RIOK3: variants seen among roughly 807,000 people sequenced by gnomAD.
RIOK3 encodes RIO kinase 3.
A neutral mutation model predicts 63.5 loss-of-function variants in RIOK3; 40 were observed. The ratio of observed to expected loss-of-function variants is 0.63; its 90% confidence interval spans 0.49 to 0.82. The LOEUF (loss-of-function observed/expected upper bound fraction) is 0.82. RIOK3 is among the 40% of genes least tolerant of loss of function. The pLI is 0.00. For synonymous variants in RIOK3, 193 were observed against 205.0 expected (o/e 0.94, Z 0.50); for missense variants, 557 against 637.0 (o/e 0.87, Z 1.35).
At chr18:23,469,217 C>T (rs1568384199) in intron 7 of RIOK3, among the ~76,000 whole-genome samples, 2 of 151,986 alleles carry the variant, frequency 1.3e-5, no homozygotes, top group Non-Finnish European at 2.9e-5. Context: ...CACACATGCT[C>T]AAGGGAAGGA....
chr18:23,464,108 C>A lies in RIOK3; in HGVS notation c.321C>A (p.Ser107Arg). ...RREEKKFNGD[S>R]KVSISFENYR... ...AAGAAAAAAAATTCAATGGAGATAGCAAAGGTATTATAACCTTATTGTGAC... is the reference window on the plus strand; with the variant it reads ...AAGAAAAAAAATTCAATGGAGATAGAAAAGGTATTATAACCTTATTGTGAC... Residue 107 changes from serine to arginine, a missense_variant, in exon 3 of 13, where the codon AGC becomes AGA. By Grantham distance (110) the Ser-to-Arg change is moderately radical. Transcript: ENST00000339486. 6.2e-7 allele frequency: 1 copy of A among 1,610,238 alleles called. No homozygotes were observed. The highest frequency in any genetic ancestry group is 8.5e-7 in the Non-Finnish European group (1 of 1,178,398).
In RIOK3 at chr18:23,481,375, G is replaced by A; in HGVS notation, c.*96G>A. ...GTGACTTGAAATACCAAAACCTGAG[G>A]AGTGGGCAATGGTGCTTCTGTGCTT... On this transcript the variant is annotated 3_prime_UTR_variant, in exon 13 of 13. Coordinates refer to ENST00000339486, the MANE Select transcript of RIOK3 (RefSeq NM_003831.5). 1 of 732,232 alleles carries A rather than the reference G, an allele frequency of 1.4e-6. No homozygotes were observed. The highest frequency in any genetic ancestry group is 2.2e-6 in the Non-Finnish European group (1 of 448,292). The allele number at this position is 732,232 out of a possible 1,614,324, so 45.4% of individuals were successfully genotyped here.
chr18:23,467,551 T>C (rs1033710971), intron 7 of RIOK3, 25 bp downstream of exon 7: 7 of 1,604,840 alleles, frequency 4.4e-6, no homozygotes, highest in Non-Finnish European at 5.1e-6. Flanking sequence ...TATGATACCA[T>C]GATATGAAAA....
At chr18:23,460,690 TTGAAAC>T (rs1458758777) in intron 1 of RIOK3, among the ~76,000 whole-genome samples, 1 of 152,220 alleles carries the variant, frequency 6.6e-6, no homozygotes, top group Non-Finnish European at 1.5e-5. Context: ...AACCTGGACT[TTGAAAC>T]TGATCAGATG....
chr18:23,480,733 C>T (rs550862393), intron 12 of RIOK3, among the ~76,000 whole-genome samples: 1 of 152,182 alleles, frequency 6.6e-6, no homozygotes, highest in South Asian at 2.1e-4. Context: ...GAGGGAGGAT[C>T]TCTTGAGCCC....
intron 1 of RIOK3, among the ~76,000 whole-genome samples, chr18:23,457,162 CCTT>C (rs1192771753): frequency 1.3e-5 from 2 of 152,116 alleles, no homozygotes; most frequent in African/African-American, 4.8e-5. Context: ...TGTTGGGGAT[CCTT>C]CTCCTAGAGT....
chr18:23,480,780 T>TTAAAAAA (rs545087189), intron 12 of RIOK3, among the ~76,000 whole-genome samples: 71 of 151,928 alleles, frequency 4.7e-4, no homozygotes, highest in Non-Finnish European at 8.7e-4. Context: ...ATAAACTCCA[T>TTAAAAAA]TAAAAAATAA....
rs149243053 is a variant in RIOK3, at chr18:23,464,579, A to T, written c.494A>T (p.Lys165Ile). ...FIGKGKDITTKHDEVVCGRKN... is the reference protein window; with the variant it reads ...FIGKGKDITTIHDEVVCGRKN... ...GGAAAAGGAAAAGATATCACCACCA[A>T]ACATGATGAAGTAGTATGTGGGAGA... is the stretch of plus-strand genomic sequence containing the variant. Residue 165 changes from lysine (K) to isoleucine (I), a missense_variant, in exon 5 of 13, where the codon AAA becomes ATA. Physicochemically the swap from Lys to Ile is moderately radical, Grantham distance 102 (BLOSUM62 -3). Coordinates refer to ENST00000339486, the MANE Select transcript of RIOK3 (RefSeq NM_003831.5). 1 of 1,608,528 alleles carries T rather than the reference A, an allele frequency of 6.2e-7. No individual in the cohort carries two copies. The highest frequency in any genetic ancestry group is 8.5e-7 in the Non-Finnish European group (1 of 1,178,588).
Position 23,464,117 on chromosome 18 carries a change from TATAA to T in RIOK3, c.325+6_325+9del. 6.2e-7 allele frequency: 1 copy of T among 1,609,920 alleles called. No homozygotes were observed. The highest frequency in any genetic ancestry group is 8.5e-7 in the Non-Finnish European group (1 of 1,178,020). On this transcript the variant is annotated splice_donor_region_variant and intron_variant, in intron 3 of 12. Transcript: ENST00000339486. ...AATTCAATGGAGATAGCAAAGGTAT[TATAA>T]CCTTATTGTGACAACTTCATTGAGT...
At chr18:23,474,317 T>G (rs535738950) in intron 8 of RIOK3, among the ~76,000 whole-genome samples, 42 of 152,230 alleles carry the variant, frequency 2.8e-4, no homozygotes, top group African/African-American at 9.6e-4. Flanking sequence ...TGCTTGAACC[T>G]AGGAGTTCAA....
intron 12 of RIOK3, among the ~76,000 whole-genome samples, chr18:23,480,524 TG>T (rs2057523796): frequency 6.6e-6 from 1 of 151,330 alleles, no homozygotes; most frequent in Non-Finnish European, 1.5e-5. Flanking sequence ...AATACATGTA[TG>T]TATGACTATT....
chr18:23,457,346 C>CA (rs1333956248), intron 1 of RIOK3, among the ~76,000 whole-genome samples: 5 of 152,062 alleles, frequency 3.3e-5, no homozygotes, highest in African/African-American at 1.2e-4. Flanking sequence ...TCAAAACTGT[C>CA]AAAGTTATCA....
intron 2 of RIOK3, chr18:23,463,425 T>TTG (rs56070625): frequency 6.0e-6 from 1 of 167,064 alleles, no homozygotes; most frequent in African/African-American, 2.4e-5. Flanking sequence ...TTTTTTTTTT[T>TTG]GGAGATGGAA....
At chr18:23,479,115 G>A (rs2057513995) in intron 11 of RIOK3, 1 of 457,510 alleles carries the variant, frequency 2.2e-6, no homozygotes, top group Admixed American at 3.4e-5. Context: ...ATGCCTGGCT[G>A]AGCCAGTAAT....
At chr18:23,467,789 T>TA (rs1251114605) in intron 7 of RIOK3, among the ~76,000 whole-genome samples, 2 of 151,802 alleles carry the variant, frequency 1.3e-5, no homozygotes, top group African/African-American at 4.8e-5. Context: ...TTATTATTAT[T>TA]TTTTGAGATG....
intron 9 of RIOK3, among the ~76,000 whole-genome samples, chr18:23,475,655 C>T (rs1567899452): frequency 1.3e-5 from 2 of 152,046 alleles, no homozygotes; most frequent in East Asian, 3.9e-4. Flanking sequence ...CAAAAAAACC[C>T]AAGTTCCTTA....
At position 23,466,946 on chromosome 18, in the gene RIOK3, G is replaced by C. The variant is rs192526731; in HGVS notation, c.688-453G>C. Among the ~76,000 whole-genome samples the C allele has an allele frequency of 6.4e-3, 972 of 151,898 alleles. 8 individuals are homozygous for C. Among genetic ancestry groups the C allele is most frequent in the Non-Finnish European group, 9.2e-3 (624 of 67,966 alleles). Reference sequence around the variant, plus strand: ...GAACCCAGGAATTTGAAGCTGTAGTGAGCCATAATCATGTCACTGCATTCC... The same window carrying C: ...GAACCCAGGAATTTGAAGCTGTAGTCAGCCATAATCATGTCACTGCATTCC... On this transcript the variant is annotated intron_variant, in intron 6 of 12. Coordinates refer to ENST00000339486, the MANE Select transcript of RIOK3 (RefSeq NM_003831.5).
At chr18:23,470,417 A>G (rs2057448986) in intron 7 of RIOK3, among the ~76,000 whole-genome samples, 2 of 152,170 alleles carry the variant, frequency 1.3e-5, no homozygotes, top group Non-Finnish European at 2.9e-5. Flanking sequence ...CAGAATATAT[A>G]TACAGTATAT....
intron 11 of RIOK3, among the ~76,000 whole-genome samples, chr18:23,478,595 A>G (rs2057509287): frequency 7.0e-6 from 1 of 143,642 alleles, no homozygotes; most frequent in South Asian, 2.3e-4. Flanking sequence ...CTGTCTCTTA[A>G]AAAAACAAAA....
Sources: allele counts gnomAD v4.1 joint callset (sites outside exome capture counted in the v4.1 genomes callset), GRCh38; gene constraint gnomAD v4.1.1; transcripts MANE v1.5; gene names NCBI Gene and HGNC (gene_info 2026-07-23, HGNC 2026-07-21).